CCDC171: variants seen among roughly 807,000 people sequenced by gnomAD.
The protein encoded by CCDC171 is coiled-coil domain-containing protein 171.
Under a neutral mutation model 168.2 loss-of-function variants are expected in CCDC171, and 177 were observed. The observed-to-expected ratio is 1.05, with a 90% CI of 0.93 to 1.19. CCDC171 has a LOEUF of 1.19. CCDC171 is among the 50% of genes most tolerant of loss of function. The pLI is 0.00. For synonymous variants in CCDC171, 687 were observed against 540.8 expected, an observed-to-expected ratio of 1.27 and a Z score of -3.75; for missense variants, 1,991 against 1,539.0, an observed-to-expected ratio of 1.29 and a Z score of -4.91.
intron 6 of CCDC171, among the ~76,000 whole-genome samples, chr9:15,618,607 C>T (rs1193927806): frequency 2.0e-5 from 3 of 152,136 alleles, no homozygotes; most frequent in African/African-American, 7.2e-5. Context: ...CCCAAACAGC[C>T]GCCCAGTTTT....
intron 6 of CCDC171, among the ~76,000 whole-genome samples, chr9:16,030,769 G>T (rs953949079): frequency 6.6e-6 from 1 of 152,152 alleles, no homozygotes; most frequent in Non-Finnish European, 1.5e-5. Flanking sequence ...GGCTCACCAC[G>T]CTGGCCAGGA....
chr9:15,986,918 A>C (rs578046322), intron 3 of CCDC171, among the ~76,000 whole-genome samples: 110 of 148,890 alleles, frequency 7.4e-4, no homozygotes, highest in African/African-American at 2.6e-3. Context: ...CCTTTAATAC[A>C]TGGCATTAGA....
intron 23 of CCDC171, among the ~76,000 whole-genome samples, chr9:15,854,087 G>GATATCTTGTGATAT (rs1184149771): frequency 1.3e-5 from 2 of 150,166 alleles, no homozygotes; most frequent in African/African-American, 4.9e-5. Flanking sequence ...TCTTTGTCGG[G>GATATCTTGTGATAT]CTTTAGGATC....
intron 16 of CCDC171, among the ~76,000 whole-genome samples, chr9:15,738,837 T>C (rs1166539675): frequency 6.6e-6 from 1 of 152,210 alleles, no homozygotes; most frequent in Admixed American, 6.6e-5. Flanking sequence ...TTTTCTTTTT[T>C]CTAAGCCTTT....
intron 4 of CCDC171, among the ~76,000 whole-genome samples, chr9:15,585,916 C>A (rs777229466): frequency 2.0e-5 from 3 of 152,100 alleles, no homozygotes; most frequent in Non-Finnish European, 2.9e-5. Context: ...ACAGAAGTTG[C>A]AGTGAGCTGA....
chr9:15,730,686 A>G (rs1454247159), intron 16 of CCDC171, among the ~76,000 whole-genome samples: 1 of 151,838 alleles, frequency 6.6e-6, no homozygotes, highest in Non-Finnish European at 1.5e-5. Context: ...ATATTAAATC[A>G]GGTCATTCTG....
At position 15,920,272 on chromosome 9, in the gene CCDC171, T is replaced by C; in HGVS notation, c.3603T>C (p.Ala1201=). The C allele has an allele frequency of 6.4e-7, 1 of 1,571,550 alleles. No individual in the cohort carries two copies. The highest frequency in any genetic ancestry group is 8.7e-7 in the Non-Finnish European group (1 of 1,153,944). ...KGGPEVVACQ[A]MIKSFMDVYQ... is the part of the protein sequence containing the mutation. ...TGACATTATTTTTATTTCTTAAGGC[T>C]ATGATTAAAAGTTTCATGGATGTCT... The change falls in exon 25 of 26, where the codon GCT becomes GCC. Residue 1201 remains alanine, a splice_region_variant and synonymous_variant. Coordinates refer to ENST00000380701, the MANE Select transcript of CCDC171 (RefSeq NM_173550.4).
chr9:15,833,278 C>T (rs2060310710), intron 21 of CCDC171, among the ~76,000 whole-genome samples: 1 of 152,142 alleles, frequency 6.6e-6, no homozygotes, highest in South Asian at 2.1e-4. Context: ...AGGCATGAAC[C>T]ACCACACCCG....
chr9:16,048,047 G>A (rs1429461194), intron 1 of CCDC171, among the ~76,000 whole-genome samples: 6 of 152,238 alleles, frequency 3.9e-5, no homozygotes, highest in Admixed American at 3.9e-4. Context: ...GGCTCAAAGG[G>A]ATGGCCCTCA....
intron 6 of CCDC171, among the ~76,000 whole-genome samples, chr9:15,621,472 TAAG>T (rs2044499450): frequency 6.6e-6 from 1 of 152,166 alleles, no homozygotes; most frequent in South Asian, 2.1e-4. Context: ...ATGCCTTTGT[TAAG>T]AAGTCTGTTA....
chr9:15,879,166 A>G (rs767356630), intron 24 of CCDC171, among the ~76,000 whole-genome samples: 7 of 152,184 alleles, frequency 4.6e-5, no homozygotes, highest in East Asian at 1.9e-4. Context: ...GACACAACCA[A>G]TGTTAACATT....
the CCDC171 span, among the ~76,000 whole-genome samples, chr9:16,098,173 A>G: frequency 3.9e-3 from 601 of 152,324 alleles, no homozygotes; most frequent in African/African-American, 0.013. Context: ...ACTTTGGGCT[A>G]GCTAACATCG....
intron 11 of CCDC171, among the ~76,000 whole-genome samples, chr9:15,721,371 A>G (rs868341360): frequency 2.3e-4 from 35 of 151,874 alleles, no homozygotes; most frequent in Admixed American, 7.2e-4. Context: ...CCCCCAAACA[A>G]TGGTAATGTA....
chr9:15,750,115 A>C (rs1275212838), intron 18 of CCDC171, among the ~76,000 whole-genome samples: 1 of 152,102 alleles, frequency 6.6e-6, no homozygotes, highest in Non-Finnish European at 1.5e-5. Flanking sequence ...AAATAGATGC[A>C]ATAAAAAATG....
intron 6 of CCDC171, among the ~76,000 whole-genome samples, chr9:15,619,442 T>G (rs1462489246): frequency 1.3e-5 from 2 of 152,210 alleles, no homozygotes; most frequent in Non-Finnish European, 2.9e-5. Context: ...GTGGTCTGGA[T>G]AGATCAAACC....
At chr9:15,830,346 T>C (rs2060178616) in intron 21 of CCDC171, among the ~76,000 whole-genome samples, 1 of 152,208 alleles carries the variant, frequency 6.6e-6, no homozygotes, top group South Asian at 2.1e-4. Context: ...AAATAACCTC[T>C]GTAGTATTAT....
At chr9:15,762,368 A>G (rs2056495155) in intron 18 of CCDC171, among the ~76,000 whole-genome samples, 3 of 152,192 alleles carry the variant, frequency 2.0e-5, no homozygotes. Flanking sequence ...ACAACATAAT[A>G]TTCATTAAAA....
upstream of CCDC171, among the ~76,000 whole-genome samples, chr9:16,041,480 T>C (rs1586854124): frequency 6.6e-6 from 1 of 152,216 alleles, no homozygotes; most frequent in South Asian, 2.1e-4. Flanking sequence ...GAAGCTGGGG[T>C]TTTTGTTTCA....
At chr9:15,676,184 G>A (rs10118359) in intron 9 of CCDC171, among the ~76,000 whole-genome samples, 69,201 of 151,706 alleles carry the variant, frequency 0.46, 16,076 homozygotes, top group Non-Finnish European at 0.51. Context: ...AAGCTTGTGC[G>A]TGCATCACGA....
Sources: allele counts gnomAD v4.1 joint callset (sites outside exome capture counted in the v4.1 genomes callset), GRCh38; gene constraint gnomAD v4.1.1; transcripts MANE v1.5; gene names NCBI Gene and HGNC (gene_info 2026-07-23, HGNC 2026-07-21).